The following PARD3B variants were observed in gnomAD, a reference collection of about 807,000 sequenced individuals.
The protein encoded by PARD3B is par-3 family cell polarity regulator beta, also known as partitioning defective 3 homolog B.
Under a neutral mutation model 130.2 loss-of-function variants are expected in PARD3B, and 103 were observed. The ratio of observed to expected loss-of-function variants is 0.79; its 90% CI spans 0.67 to 0.93. PARD3B has a LOEUF of 0.93. PARD3B is among the 40% of genes least tolerant of loss of function. The pLI, the probability that PARD3B is intolerant of heterozygous loss-of-function variation, is 0.00. For synonymous variants in PARD3B, 583 were observed against 553.2 expected (o/e 1.05, Z -0.76); for missense variants, 1,609 against 1,499.2 (o/e 1.07, Z -1.21).
intron 16 of PARD3B, among the ~76,000 whole-genome samples, chr2:205,295,235 A>G (rs1033790266): frequency 2.0e-5 from 3 of 152,078 alleles, no homozygotes; most frequent in Admixed American, 2.0e-4. Flanking sequence ...TCACATCACA[A>G]CTCCCCATGC....
intron 21 of PARD3B, among the ~76,000 whole-genome samples, chr2:205,520,493 C>G (rs1178183077): frequency 6.6e-6 from 1 of 152,162 alleles, no homozygotes; most frequent in Non-Finnish European, 1.5e-5. Context: ...CGAGTTGCTA[C>G]TGGCTCAATA....
At position 205,581,340 on chromosome 2, in the gene PARD3B, C is replaced by T. The variant is rs184778451; in HGVS notation, c.3260+27937C>T. On this transcript the variant is annotated intron_variant, in intron 22 of 22. Transcript: ENST00000406610. ...CTGTCATTTATATCCCTGTCATATA[C>T]GTGTGTGTGTGTACGTGTGTGTACG... is the stretch of plus-strand genomic sequence containing the variant. Among the ~76,000 whole-genome samples the T allele has an allele frequency of 5.1e-3, 733 of 144,512 alleles. 4 individuals are homozygous for T. Among genetic ancestry groups the T allele is most frequent in the African/African-American group, 0.017 (676 of 38,840 alleles). The allele number at this position is 144,512 out of a possible 152,430, so 94.8% of individuals were successfully genotyped here.
chr2:205,079,235 T>C (rs1701255610), intron 4 of PARD3B, among the ~76,000 whole-genome samples: 1 of 152,240 alleles, frequency 6.6e-6, no homozygotes, highest in African/African-American at 2.4e-5. Flanking sequence ...AATAAATTAC[T>C]TTATCTCAAA....
chr2:205,085,685 G>A (rs1375944320), intron 4 of PARD3B, among the ~76,000 whole-genome samples: 1 of 151,806 alleles, frequency 6.6e-6, no homozygotes, highest in Non-Finnish European at 1.5e-5. Context: ...TTATCTTAAA[G>A]TTAGCATTAT....
chr2:204,550,630 A>T (rs1195350314), intron 1 of PARD3B, among the ~76,000 whole-genome samples: 3 of 152,166 alleles, frequency 2.0e-5, no homozygotes, highest in African/African-American at 7.2e-5. Flanking sequence ...CCTTTTTTGG[A>T]AAGGAAAAAT....
intron 1 of PARD3B, among the ~76,000 whole-genome samples, chr2:204,577,863 C>T (rs1256335736): frequency 6.6e-6 from 1 of 152,162 alleles, no homozygotes; most frequent in Non-Finnish European, 1.5e-5. Context: ...CCACTGTGCC[C>T]AGCCAGTTTT....
chr2:204,848,637 CTCTG>C (rs199982990), intron 2 of PARD3B, among the ~76,000 whole-genome samples: 1,789 of 149,388 alleles, frequency 0.012, 25 homozygotes, highest in African/African-American at 0.041. Context: ...TAGAGTGAGA[CTCTG>C]TCTATCTATC....
At position 204,943,033 on chromosome 2, in the gene PARD3B, TA is replaced by T. The variant is rs1382943757; in HGVS notation, c.223-22113del. ...ACATGTCCCCCTGAAAAATAAAAAT[TA>T]AAAAAGAAAAGACAAGAAAGACTTT... On this transcript the variant is annotated intron_variant, in intron 2 of 22. Transcript: ENST00000406610. The surrounding 1 kb of genome is among the most constrained non-coding windows in gnomAD (Gnocchi z 4.2). Among the ~76,000 whole-genome samples, 8 of 151,580 alleles carry T rather than the reference TA, an allele frequency of 5.3e-5. No individual in the cohort carries two copies. In the East Asian group the frequency reaches 9.7e-4, roughly 18 times the overall value.
In PARD3B at chr2:205,183,054, T is replaced by C. The variant is rs1423194738; in HGVS notation, c.1925-2710T>C. ...TGGGCACTGGTCTTCTTGGCCACTG[T>C]TATAAAAGTGACAGATCCTTGGCAA... On this transcript the variant is annotated intron_variant, in intron 13 of 22. Coordinates refer to ENST00000406610, the MANE Select transcript of PARD3B (RefSeq NM_001302769.2). The surrounding 1 kb of genome is among the most constrained non-coding windows in gnomAD (Gnocchi z 5.2). Among the ~76,000 whole-genome samples, 7 of 152,250 alleles carry C rather than the reference T, an allele frequency of 4.6e-5. No homozygotes were observed. Among genetic ancestry groups the C allele is most frequent in the African/African-American group, 1.7e-4 (7 of 41,534 alleles).
In PARD3B at chr2:205,012,022, C is replaced by G. The variant is rs182181387; in HGVS notation, c.395-35559C>G. On this transcript the variant is annotated intron_variant, in intron 3 of 22. Coordinates refer to ENST00000406610, the MANE Select transcript of PARD3B (RefSeq NM_001302769.2). ...CCATCCTCTTGCCATCAGCCCCACC[C>G]TGACCTTTTAAAGCAGCTGCTTTCC... Among the ~76,000 whole-genome samples, 257 of 152,290 alleles carry G rather than the reference C, an allele frequency of 1.7e-3. 1 individual carries two copies. Among genetic ancestry groups the G allele is most frequent in the African/African-American group, 5.6e-3 (233 of 41,564 alleles).
chr2:204,838,349 A>ATGTGTCTG (rs1553537668), intron 2 of PARD3B, among the ~76,000 whole-genome samples: 2 of 135,338 alleles, frequency 1.5e-5, no homozygotes, highest in African/African-American at 5.4e-5. Context: ...TACCTGGCTA[A>ATGTGTCTG]TGTGTGTGTG....
chr2:204,782,343 G>A (rs1047322825), intron 2 of PARD3B, among the ~76,000 whole-genome samples: 2 of 150,570 alleles, frequency 1.3e-5, no homozygotes, highest in African/African-American at 4.9e-5. Context: ...TATTGTGTAT[G>A]TGTTGTATAT....
chr2:205,484,618 A>G (rs1485488916), intron 20 of PARD3B, among the ~76,000 whole-genome samples: 2 of 152,178 alleles, frequency 1.3e-5, no homozygotes, highest in East Asian at 1.9e-4. Flanking sequence ...GAGCTGACTA[A>G]AAGACTGTTG....
intron 1 of PARD3B, among the ~76,000 whole-genome samples, chr2:204,667,943 G>A (rs1370733267): frequency 1.3e-5 from 2 of 152,188 alleles, no homozygotes; most frequent in Admixed American, 6.5e-5. Context: ...CTAACGAGGT[G>A]TATATATAAA....
chr2:205,561,271 T>C (rs966239443), intron 22 of PARD3B, among the ~76,000 whole-genome samples: 4 of 152,224 alleles, frequency 2.6e-5, no homozygotes, highest in Non-Finnish European at 5.9e-5. Context: ...TTGTGCTCAC[T>C]AAGTCACTGG....
intron 5 of PARD3B, among the ~76,000 whole-genome samples, chr2:205,106,477 ATGTATGTGTGTGTG>A (rs1476511332): frequency 3.8e-5 from 5 of 131,878 alleles, no homozygotes; most frequent in South Asian, 5.2e-4. Flanking sequence ...TAGTTAAGAA[ATGTATGTGTGTGTG>A]TGTGTGTGTG....
chr2:205,514,652 TTA>T (rs1448360454), intron 21 of PARD3B, among the ~76,000 whole-genome samples: 3 of 152,008 alleles, frequency 2.0e-5, no homozygotes, highest in Non-Finnish European at 2.9e-5. Context: ...TAAATGAATT[TTA>T]GTTTAATAGT....
rs191743921 is a variant in PARD3B, at chr2:204,552,733, C to T, written c.120+6614C>T. Among the ~76,000 whole-genome samples, 19 of 152,330 alleles carry T rather than the reference C, an allele frequency of 1.2e-4. No individual in the cohort carries two copies. The East Asian group carries it at 3.7e-3, about 29-fold the overall frequency. ...CCTACATGTGGCTTGCCAATTATCG[C>T]AGCACCATTTGTTGAATAGGGTGTC... On this transcript the variant is annotated intron_variant, in intron 1 of 22. Coordinates refer to ENST00000406610, the MANE Select transcript of PARD3B (RefSeq NM_001302769.2).
At chr2:205,001,720 T>A (rs1341331685) in intron 3 of PARD3B, among the ~76,000 whole-genome samples, 1 of 152,208 alleles carries the variant, frequency 6.6e-6, no homozygotes, top group Non-Finnish European at 1.5e-5. Flanking sequence ...GCTCCTCCCA[T>A]GTGCCAGGTG....
Sources: allele counts gnomAD v4.1 joint callset (sites outside exome capture counted in the v4.1 genomes callset), GRCh38; gene constraint gnomAD v4.1.1; non-coding constraint Gnocchi (gnomAD v3.1); transcripts MANE v1.5; gene names NCBI Gene and HGNC (gene_info 2026-07-23, HGNC 2026-07-21).